The following NRG1 variants were observed in gnomAD, a reference collection of about 807,000 sequenced individuals.
NRG1 encodes pro-neuregulin-1, membrane-bound isoform.
A neutral mutation model predicts 63.8 loss-of-function variants in NRG1; 18 were observed. That is an observed-to-expected ratio of 0.28 (90% CI 0.19 to 0.42). The LOEUF (loss-of-function observed/expected upper bound fraction) is 0.42. Among genes scored for constraint, NRG1 ranks in the 10% least tolerant of loss-of-function variants. NRG1 has a pLI of 1.00. For synonymous variants in NRG1, 302 were observed against 301.3 expected (o/e 1.00, Z -0.02); for missense variants, 762 against 814.7 (o/e 0.94, Z 0.79).
chr8:32,155,047 C>T (rs1837901250), intron 1 of NRG1, among the ~76,000 whole-genome samples: 1 of 152,178 alleles, frequency 6.6e-6, no homozygotes, highest in Admixed American at 6.5e-5. Context: ...GCCTGGTCCT[C>T]AATTGTTCCA....
At chr8:32,095,740 A>G (rs537820536) in intron 1 of NRG1, among the ~76,000 whole-genome samples, 82 of 152,336 alleles carry the variant, frequency 5.4e-4, no homozygotes, top group African/African-American at 1.8e-3. Context: ...ATATAGTAAT[A>G]TCAACATTTA....
At chr8:31,903,428 C>T (rs1170321603) in intron 1 of NRG1, among the ~76,000 whole-genome samples, 2 of 151,568 alleles carry the variant, frequency 1.3e-5, no homozygotes, top group African/African-American at 4.8e-5. Flanking sequence ...GGATTACAGA[C>T]GTGAGCCACC....
At chr8:32,352,483 A>G (rs922683826) in intron 1 of NRG1, among the ~76,000 whole-genome samples, 1 of 151,886 alleles carries the variant, frequency 6.6e-6, no homozygotes, top group African/African-American at 2.4e-5. Context: ...AGCCTTCAAG[A>G]CCCAAACTTT....
At chr8:31,969,947 G>C (rs1437300166) in intron 1 of NRG1, among the ~76,000 whole-genome samples, 1 of 152,054 alleles carries the variant, frequency 6.6e-6, no homozygotes, top group Non-Finnish European at 1.5e-5. Flanking sequence ...CAGGTAAACT[G>C]ATATTTTCTA....
chr8:31,913,992 A>G (rs564649427), intron 1 of NRG1, among the ~76,000 whole-genome samples: 5 of 152,310 alleles, frequency 3.3e-5, no homozygotes, highest in Non-Finnish European at 5.9e-5. Flanking sequence ...CGAGCAGTAC[A>G]TCATAGCAAC....
chr8:32,340,563 A>G (rs977805252), intron 1 of NRG1, among the ~76,000 whole-genome samples: 7 of 152,242 alleles, frequency 4.6e-5, no homozygotes, highest in African/African-American at 1.7e-4. Context: ...GAATTTATAC[A>G]TACCATATAA....
intron 1 of NRG1, among the ~76,000 whole-genome samples, chr8:31,789,554 TA>T (rs1820493830): frequency 6.6e-6 from 1 of 152,176 alleles, no homozygotes; most frequent in Non-Finnish European, 1.5e-5. Context: ...CAAAAAATGA[TA>T]AACCACAACG....
intron 1 of NRG1, among the ~76,000 whole-genome samples, chr8:32,386,142 C>A (rs140165774): frequency 6.6e-6 from 1 of 152,182 alleles, no homozygotes; most frequent in Non-Finnish European, 1.5e-5. Flanking sequence ...CACTCTGTTG[C>A]TCAGGCTGGA....
intron 1 of NRG1, among the ~76,000 whole-genome samples, chr8:32,058,262 C>T (rs2130884449): frequency 6.6e-6 from 1 of 151,998 alleles, no homozygotes; most frequent in South Asian, 2.1e-4. Context: ...AGTAAAGGGA[C>T]ATACATGGCT....
In NRG1 at chr8:32,339,123, T is replaced by C. The variant is rs1339715211; in HGVS notation, c.38-256705T>C. On this transcript the variant is annotated intron_variant, in intron 1 of 10. Coordinates refer to the NRG1 transcript ENST00000519301. ...GTTCACAGAAGAATAGAAATCATCT[T>C]TTCCTCTTAACATTATTTCCATGTA... 2.0e-5 allele frequency among the ~76,000 whole-genome samples: 3 copies of C among 152,148 alleles called. No homozygotes were observed. The East Asian group carries it at 5.8e-4, about 29-fold the overall frequency.
At chr8:31,714,909 AGC>A (rs1211640148) in intron 1 of NRG1, among the ~76,000 whole-genome samples, 1 of 152,204 alleles carries the variant, frequency 6.6e-6, no homozygotes, top group African/African-American at 2.4e-5. Flanking sequence ...TAACTTTAGT[AGC>A]CTTGTGATTT....
At chr8:31,943,388 G>C (rs1381225031) in intron 1 of NRG1, among the ~76,000 whole-genome samples, 3 of 152,118 alleles carry the variant, frequency 2.0e-5, no homozygotes, top group Non-Finnish European at 4.4e-5. Flanking sequence ...TGCAGGGAAA[G>C]TTTGGGGACT....
intron 1 of NRG1, among the ~76,000 whole-genome samples, chr8:32,335,909 G>C (rs1803202780): frequency 6.6e-6 from 1 of 151,970 alleles, no homozygotes; most frequent in Admixed American, 6.6e-5. Flanking sequence ...AAGCCAGGAA[G>C]ACATGGACAA....
chr8:32,642,739 G>A (rs543947517), intron 5 of NRG1, among the ~76,000 whole-genome samples: 44 of 152,198 alleles, frequency 2.9e-4, no homozygotes, highest in East Asian at 2.3e-3. Flanking sequence ...TTTGCCAGCC[G>A]TAAAATTTAG....
At chr8:32,389,634 A>G (rs1475337622) in intron 1 of NRG1, among the ~76,000 whole-genome samples, 1 of 152,068 alleles carries the variant, frequency 6.6e-6, no homozygotes, top group Non-Finnish European at 1.5e-5. Context: ...TTTCTGCCTA[A>G]ATGGTCTCCT....
intron 1 of NRG1, among the ~76,000 whole-genome samples, chr8:32,401,539 T>A: frequency 6.6e-6 from 1 of 152,036 alleles, no homozygotes; most frequent in African/African-American, 2.4e-5. Context: ...AGTCATTCGA[T>A]GAAATAGGCT....
intron 1 of NRG1, among the ~76,000 whole-genome samples, chr8:31,775,754 G>A (rs1819058720): frequency 6.6e-6 from 1 of 151,618 alleles, no homozygotes; most frequent in Non-Finnish European, 1.5e-5. Context: ...ATGATGGTGG[G>A]TGCCTGTAGT....
At chr8:31,844,266 G>T (rs1019508185) in intron 1 of NRG1, among the ~76,000 whole-genome samples, 1 of 152,228 alleles carries the variant, frequency 6.6e-6, no homozygotes, top group African/African-American at 2.4e-5. Context: ...AGGGAGTATC[G>T]CTGTGCTAAA....
chr8:32,637,652 C>G (rs1851585152), intron 5 of NRG1, among the ~76,000 whole-genome samples: 2 of 152,100 alleles, frequency 1.3e-5, no homozygotes, highest in Non-Finnish European at 2.9e-5. Flanking sequence ...GATACATTGC[C>G]TTCCTATCCT....
Sources: gnomAD v4.1 joint callset for allele counts (sites outside exome capture counted in the v4.1 genomes callset) on GRCh38, gnomAD v4.1.1 for gene constraint, MANE v1.5 for transcripts, NCBI Gene and HGNC (gene_info 2026-07-23, HGNC 2026-07-21) for gene names.